The following LCLAT1 variants were observed in gnomAD, a reference collection of about 807,000 sequenced individuals.
LCLAT1 encodes 1-AGP acyltransferase 8.
In LCLAT1, 11 loss-of-function variants were observed where a neutral mutation model predicts 30.7. The ratio of observed to expected loss-of-function variants is 0.36; its 90% CI spans 0.23 to 0.59. LCLAT1 has a LOEUF of 0.59. LCLAT1 is among the 20% of genes least tolerant of loss of function. The pLI is 0.77. For synonymous variants in LCLAT1, 155 were observed against 151.3 expected (o/e 1.02, Z -0.18); for missense variants, 402 against 458.6 (o/e 0.88, Z 1.13).
chr2:30,640,783 CA>C lies in LCLAT1; in HGVS notation c.*166del, dbSNP rs1046219136. ...TAATTTTGTGGGAAAAATATTGCTA[CA>C]ATTTTTTTTAATCTCTGAATGTAAT... On this transcript the variant is annotated 3_prime_UTR_variant, in exon 6 of 6. Coordinates refer to ENST00000379509, the MANE Select transcript of LCLAT1 (RefSeq NM_001002257.3). 449 of 853,700 alleles carry C rather than the reference CA, an allele frequency of 5.3e-4. 1 individual carries two copies. Among genetic ancestry groups the C allele is most frequent in the South Asian group, 1.2e-3 (63 of 52,176 alleles). The allele number at this position is 853,700 out of a possible 1,614,324, so 52.9% of individuals were successfully genotyped here. A position where few individuals can be genotyped will look rare whatever the true frequency, so the allele number is the denominator to read the frequency against.
chr2:30,546,072 G>C (rs1362390854), intron 3 of LCLAT1, among the ~76,000 whole-genome samples: 1 of 152,100 alleles, frequency 6.6e-6, no homozygotes, highest in African/African-American at 2.4e-5. Context: ...AACTAGGAAA[G>C]GCCCACATTG....
intron 4 of LCLAT1, among the ~76,000 whole-genome samples, chr2:30,567,142 T>G (rs1395313797): frequency 1.3e-5 from 2 of 152,222 alleles, no homozygotes; most frequent in African/African-American, 4.8e-5. Context: ...ATTAGCATTT[T>G]ATATTTTAAT....
intron 3 of LCLAT1, among the ~76,000 whole-genome samples, chr2:30,560,283 GGTGTGTGT>G (rs57326977): frequency 0.099 from 14,355 of 144,504 alleles, 1,415 homozygotes; most frequent in African/African-American, 0.26. Context: ...AATAAAGTGT[GGTGTGTGT>G]GTGTGTGTGT....
At chr2:30,461,972 CTGTG>C (rs1200546958) in intron 1 of LCLAT1, among the ~76,000 whole-genome samples, 1 of 151,582 alleles carries the variant, frequency 6.6e-6, no homozygotes, top group African/African-American at 2.4e-5. Flanking sequence ...CGGGGTTTCA[CTGTG>C]TTAGCCAGGA....
At chr2:30,534,607 T>C (rs553075936) in intron 3 of LCLAT1, among the ~76,000 whole-genome samples, 13 of 152,312 alleles carry the variant, frequency 8.5e-5, no homozygotes, top group East Asian at 1.9e-4. Flanking sequence ...TTTGTACTTA[T>C]ATCTTTATCT....
intron 5 of LCLAT1, among the ~76,000 whole-genome samples, chr2:30,575,257 C>CT (rs1345456158): frequency 4.0e-5 from 6 of 151,382 alleles, no homozygotes; most frequent in South Asian, 2.1e-4. Context: ...TTTTGGTGGC[C>CT]TTTTTTTTTT....
intron 5 of LCLAT1, among the ~76,000 whole-genome samples, chr2:30,630,882 A>T (rs896322477): frequency 3.9e-5 from 6 of 152,144 alleles, no homozygotes; most frequent in Non-Finnish European, 4.4e-5. Context: ...TCAGTCAGAG[A>T]TTTGCATGCT....
chr2:30,640,690 T>C lies in LCLAT1; in HGVS notation c.*71T>C. 6.7e-7 allele frequency: 1 copy of C among 1,491,760 alleles called. No individual in the cohort carries two copies. The highest frequency in any genetic ancestry group is 8.9e-7 in the Non-Finnish European group (1 of 1,117,508). The allele number at this position is 1,491,760 out of a possible 1,614,324, so 92.4% of individuals were successfully genotyped here. On this transcript the variant is annotated 3_prime_UTR_variant, in exon 6 of 6. Transcript: ENST00000379509. ...TGTTCTAAACCTTTCTAAGCTCAGA[T>C]GCATTTTTGCATGACTATGTCGAAT...
At chr2:30,600,876 G>A (rs1188343323) in intron 5 of LCLAT1, among the ~76,000 whole-genome samples, 3 of 152,202 alleles carry the variant, frequency 2.0e-5, no homozygotes, top group African/African-American at 4.8e-5. Context: ...CTTGAAATAC[G>A]TTTTCCAACT....
intron 5 of LCLAT1, among the ~76,000 whole-genome samples, chr2:30,571,895 C>CT (rs1422440417): frequency 1.3e-5 from 2 of 152,168 alleles, no homozygotes; most frequent in South Asian, 2.1e-4. Context: ...TAGTAGCTGA[C>CT]TTTCTTTTGA....
chr2:30,502,382 T>C (rs995408602), intron 1 of LCLAT1, among the ~76,000 whole-genome samples: 3 of 152,242 alleles, frequency 2.0e-5, no homozygotes, highest in African/African-American at 7.2e-5. Context: ...TGAAATATAA[T>C]TCACATCTAC....
intron 5 of LCLAT1, among the ~76,000 whole-genome samples, chr2:30,577,442 G>C (rs549687696): frequency 7.9e-5 from 12 of 152,166 alleles, no homozygotes; most frequent in Admixed American, 5.9e-4. Flanking sequence ...TAAGATTACT[G>C]ATGTTGAGAA....
At chr2:30,496,966 A>T (rs1454770918) in intron 1 of LCLAT1, among the ~76,000 whole-genome samples, 1 of 152,252 alleles carries the variant, frequency 6.6e-6, no homozygotes, top group African/African-American at 2.4e-5. Flanking sequence ...CTCTTGTTAT[A>T]GCTTTCATAG....
chr2:30,548,111 G>T (rs1664509513), intron 3 of LCLAT1, among the ~76,000 whole-genome samples: 1 of 152,114 alleles, frequency 6.6e-6, no homozygotes, highest in Non-Finnish European at 1.5e-5. Flanking sequence ...TTTGGTAATT[G>T]TTGATTTTGT....
chr2:30,468,278 G>A (rs1280205635), intron 1 of LCLAT1, among the ~76,000 whole-genome samples: 1 of 152,138 alleles, frequency 6.6e-6, no homozygotes, highest in East Asian at 1.9e-4. Context: ...TTATTTCTGA[G>A]GGCTCTGTTC....
In LCLAT1 at chr2:30,643,644, A is replaced by C. The variant is rs892918576; in HGVS notation, c.*3025A>C. ...GAAACATTTGTTTCACCCAGACTTC[A>C]AACTCTAGCCCTGACTATGATGCCC... On this transcript the variant is annotated 3_prime_UTR_variant, in exon 6 of 6. Transcript: ENST00000379509. The C allele has an allele frequency of 6.6e-6, 1 of 152,586 alleles. No homozygotes were observed. The highest frequency in any genetic ancestry group is 1.5e-5 in the Non-Finnish European group (1 of 68,026). The allele number at this position is 152,586 out of a possible 1,614,324, so 9.5% of individuals were successfully genotyped here. A position where few individuals can be genotyped will look rare whatever the true frequency, so the allele number is the denominator to read the frequency against.
chr2:30,455,569 G>A (rs962672336), intron 1 of LCLAT1, among the ~76,000 whole-genome samples: 3 of 152,012 alleles, frequency 2.0e-5, no homozygotes, highest in Non-Finnish European at 4.4e-5. Context: ...CTATGGTCAC[G>A]TTATGGCCTT....
intron 5 of LCLAT1, among the ~76,000 whole-genome samples, chr2:30,576,202 T>C (rs757434873): frequency 6.6e-6 from 1 of 152,184 alleles, no homozygotes; most frequent in Non-Finnish European, 1.5e-5. Context: ...AATGTGTTTA[T>C]TTCAAAATTC....
At chr2:30,502,913 A>T (rs868454290) in intron 1 of LCLAT1, among the ~76,000 whole-genome samples, 1 of 152,220 alleles carries the variant, frequency 6.6e-6, no homozygotes, top group Non-Finnish European at 1.5e-5. Context: ...AGCCAGTGAC[A>T]GCAGTCATTT....
Sources: gnomAD v4.1 joint callset for allele counts (sites outside exome capture counted in the v4.1 genomes callset) on GRCh38, gnomAD v4.1.1 for gene constraint, MANE v1.5 for transcripts, NCBI Gene and HGNC (gene_info 2026-07-23, HGNC 2026-07-21) for gene names.